TLN1: variants seen among roughly 807,000 people sequenced by gnomAD.
The protein encoded by TLN1 is talin 1, also known as talin-1.
Under a neutral mutation model 292.3 loss-of-function variants are expected in TLN1, and 56 were observed. The ratio of observed to expected loss-of-function variants is 0.19; its 90% CI spans 0.15 to 0.24. The LOEUF (loss-of-function observed/expected upper bound fraction) is 0.24. Ranked by LOEUF, TLN1 falls within the 10% of genes least tolerant of loss-of-function variation. The pLI is 1.00. For missense variants in TLN1, 2,433 were observed against 3,248.2 expected (o/e 0.75, Z 6.10); for synonymous variants, 1,119 against 1,253.7 (o/e 0.89, Z 2.27).
intron 1 of TLN1, among the ~76,000 whole-genome samples, chr9:35,730,851 C>A (rs191220966): frequency 2.5e-4 from 38 of 152,182 alleles, no homozygotes; most frequent in Admixed American, 9.2e-4. Flanking sequence ...TTCAGTTATT[C>A]CCTTCTCCCA....
intron 9 of TLN1, 28 bp downstream of exon 9, chr9:35,722,079 TGGGAAACAAGGA>T: frequency 1.9e-6 from 3 of 1,563,774 alleles, no homozygotes; most frequent in Non-Finnish European, 2.6e-6. Flanking sequence ...AGGGCAAGAG[TGGGAAACAAGGA>T]GGGCAGTGAA....
intron 17 of TLN1, among the ~76,000 whole-genome samples, chr9:35,718,549 C>T (rs757901347): frequency 3.3e-5 from 5 of 151,390 alleles, no homozygotes; most frequent in Admixed American, 2.0e-4. Context: ...GGGCTATGTA[C>T]GGGGAAGAGA....
rs1452381004 is a variant in TLN1, at chr9:35,706,524, C to T, written c.5116G>A (p.Val1706Ile). The change falls in exon 39 of 57, where the codon GTC becomes ATC. Residue 1706 changes from valine (V) to isoleucine (I), a missense_variant. Val to Ile is a conservative substitution (Grantham distance 29). Around this residue, in one of 7 missense-constraint regions of TLN1, gnomAD observed 1,384 missense variants for 1,699.6 expected, o/e 0.81. Transcript: ENST00000314888. The surrounding 1 kb of genome is among the most constrained non-coding windows in gnomAD (Gnocchi z 4.2). Reference sequence around the variant, plus strand: ...TCAATGAGATGGGAGATCTCTTGGACTGCAGTGAGCATCTGAGTGTGCAAG... The same window carrying T: ...TCAATGAGATGGGAGATCTCTTGGATTGCAGTGAGCATCTGAGTGTGCAAG... ...EALHTQMLTAVQEISHLIEPL... is the reference protein window; with the variant it reads ...EALHTQMLTAIQEISHLIEPL... 3.7e-6 allele frequency: 6 copies of T among 1,613,968 alleles called. No homozygotes were observed. Among genetic ancestry groups the T allele is most frequent in the African/African-American group, 2.7e-5 (2 of 74,918 alleles).
rs780547670 is a variant in TLN1, at chr9:35,699,169, AG to A, written c.6875-14del. ...ACCCATTCTGTTCCTGGTGGGATGAAGGAAGAGGAAAGAGGCTAAGGCAGAG... is the reference window on the plus strand; with the variant it reads ...ACCCATTCTGTTCCTGGTGGGATGAAGAAGAGGAAAGAGGCTAAGGCAGAG... On this transcript the variant is annotated splice_polypyrimidine_tract_variant and intron_variant, in intron 51 of 56. Coordinates refer to ENST00000314888, the MANE Select transcript of TLN1 (RefSeq NM_006289.4). This position sits in a 1 kb window ranked among gnomAD's most constrained non-coding sequence, Gnocchi z 4.0. 6.3e-7 allele frequency: 1 copy of A among 1,599,554 alleles called. No individual in the cohort carries two copies. Among genetic ancestry groups the A allele is most frequent in the African/African-American group, 1.3e-5 (1 of 74,156 alleles).
chr9:35,720,919 G>A lies in TLN1; in HGVS notation c.1105-6C>T, dbSNP rs754323419. The A allele has an allele frequency of 1.2e-6, 2 of 1,607,612 alleles. No homozygotes were observed. Among genetic ancestry groups the A allele is most frequent in the African/African-American group, 2.7e-5 (2 of 74,762 alleles). On this transcript the variant is annotated splice_polypyrimidine_tract_variant and splice_region_variant and intron_variant, in intron 10 of 56. Coordinates refer to ENST00000314888, the MANE Select transcript of TLN1 (RefSeq NM_006289.4). ...TCTTGGTAATCTCCAAAATCCTAGG[G>A]TGACAAGTGGGGGACTCAGAGGGAA...
chr9:35,714,806 G>A lies in TLN1; in HGVS notation c.2825C>T (p.Pro942Leu), dbSNP rs370001042. Residue 942 changes from proline to leucine, a missense_variant, in exon 22 of 57, where the codon CCC becomes CTC. Pro to Leu is a moderately conservative substitution (Grantham distance 98). Transcript: ENST00000314888. The surrounding 1 kb of genome is among the most constrained non-coding windows in gnomAD (Gnocchi z 4.6). ...IAAAQHAAST[P>L]KASAGPQPLL... ...GGGCTGGGGGCCGGCAGAGGCCTTG[G>A]GGGTAGAGGCTGCGTGCTGAGCTGC... is the stretch of plus-strand genomic sequence containing the variant. The A allele has an allele frequency of 3.9e-5, 62 of 1,580,382 alleles. No individual in the cohort carries two copies. Among genetic ancestry groups the A allele is most frequent in the Non-Finnish European group, 4.8e-5 (56 of 1,163,330 alleles).
rs180985339 is a variant in TLN1, at chr9:35,727,990, T to C, written c.-33-2263A>G. The stretch of plus-strand genomic sequence containing the variant: ...GGCTGCTACAAGTATGAGTAGAAGC[T>C]AGCTCATTCCTCCTTTGGCCTGAGA... On this transcript the variant is annotated intron_variant, in intron 1 of 56. Transcript: ENST00000314888. Among the ~76,000 whole-genome samples the C allele has an allele frequency of 6.6e-5, 10 of 152,292 alleles. No individual in the cohort carries two copies. In the East Asian group the frequency reaches 9.7e-4, roughly 15 times the overall value.
At position 35,719,907 on chromosome 9, in the gene TLN1, A is replaced by G. The variant is rs934962183; in HGVS notation, c.1465-54T>C. On this transcript the variant is annotated intron_variant, in intron 13 of 56. Coordinates refer to ENST00000314888, the MANE Select transcript of TLN1 (RefSeq NM_006289.4). This position sits in a 1 kb window ranked among gnomAD's most constrained non-coding sequence, Gnocchi z 4.6. ...TGGAATGGATGTTTGGAGAAAAGAG[A>G]AGGTAAAAGAGAACCAGGGTCTAGG... is the stretch of plus-strand genomic sequence containing the variant. 1.3e-6 allele frequency: 2 copies of G among 1,570,136 alleles called. No individual in the cohort carries two copies. Among genetic ancestry groups the G allele is most frequent in the African/African-American group, 1.4e-5 (1 of 73,822 alleles).
At chr9:35,727,182 G>A (rs1380453335) in intron 1 of TLN1, among the ~76,000 whole-genome samples, 4 of 152,168 alleles carry the variant, frequency 2.6e-5, no homozygotes, top group Admixed American at 6.5e-5. Context: ...TCTTAACTAA[G>A]AGAATGGGCA....
At chr9:35,718,973 C>G (rs1825834654) in intron 16 of TLN1, 63 bp from the exon 17 acceptor site, 1 of 1,599,348 alleles carries the variant, frequency 6.3e-7, no homozygotes, top group African/African-American at 1.3e-5. Context: ...GTGCATATCA[C>G]AGGCCCACGG....
At chr9:35,723,471 G>A in intron 7 of TLN1, 1 of 185,468 alleles carries the variant, frequency 5.4e-6, no homozygotes, top group Non-Finnish European at 1.1e-5. Flanking sequence ...TTAAGTTAGA[G>A]GCTCAGTCCC....
Position 35,707,923 on chromosome 9 carries a change from G to C in TLN1, c.4471-31C>G. Reference sequence around the variant, plus strand: ...GAGACACATGGAAGAGCCACGATGAGGGCAGGAAGGAGGTGTACATACCCA... The same window carrying C: ...GAGACACATGGAAGAGCCACGATGACGGCAGGAAGGAGGTGTACATACCCA... On this transcript the variant is annotated intron_variant, in intron 34 of 56. Coordinates refer to ENST00000314888, the MANE Select transcript of TLN1 (RefSeq NM_006289.4). This position sits in a 1 kb window ranked among gnomAD's most constrained non-coding sequence, Gnocchi z 5.6. 3 of 1,610,300 alleles carry C rather than the reference G, an allele frequency of 1.9e-6. No homozygotes were observed. The highest frequency in any genetic ancestry group is 2.5e-6 in the Non-Finnish European group (3 of 1,177,522).
Position 35,717,631 on chromosome 9 carries a change from C to T in TLN1, c.2151G>A (p.Val717=), listed in dbSNP as rs991888326. Residue 717 remains valine, a synonymous_variant, in exon 18 of 57, where the codon GTG becomes GTA. Coordinates refer to ENST00000314888, the MANE Select transcript of TLN1 (RefSeq NM_006289.4). This position sits in a 1 kb window ranked among gnomAD's most constrained non-coding sequence, Gnocchi z 4.7. ...CTTTGGGGCTCACCTTAGTACAGGC[C>T]ACTAGTTGGGAAGTGGATAGGGCAC... ...TQCALSTSQL[V]ACTKVVAPTI... 1 of 1,613,286 alleles carries T rather than the reference C, an allele frequency of 6.2e-7. No individual in the cohort carries two copies. Among genetic ancestry groups the T allele is most frequent in the Non-Finnish European group, 8.5e-7 (1 of 1,179,338 alleles).
Position 35,711,264 on chromosome 9 carries a change from G to A in TLN1, c.4010C>T (p.Ala1337Val), listed in dbSNP as rs1482739223. 39 of 1,614,002 alleles carry A rather than the reference G, an allele frequency of 2.4e-5. No homozygotes were observed. Among genetic ancestry groups the A allele is most frequent in the Non-Finnish European group, 3.2e-5 (38 of 1,180,050 alleles). ...AAPNLKSQLA[A>V]AARAVTDSIN... ...CTCAGCAACTACTTACCTGGCAGCT[G>A]CAGCCAGCTGACTCTTGAGGTTAGG... Residue 1337 changes from alanine to valine, a missense_variant, in exon 30 of 57, where the codon GCA (alanine) becomes GTA (valine). Physicochemically the swap from Ala to Val is moderately conservative, Grantham distance 64. Around this residue, in one of 7 missense-constraint regions of TLN1, gnomAD observed 1,384 missense variants for 1,699.6 expected, o/e 0.81. Transcript: ENST00000314888.
chr9:35,719,146 C>A lies in TLN1; in HGVS notation c.1824G>T (p.Leu608=). 1 of 1,614,176 alleles carries A rather than the reference C, an allele frequency of 6.2e-7. No homozygotes were observed. The highest frequency in any genetic ancestry group is 8.5e-7 in the Non-Finnish European group (1 of 1,180,038). The part of the protein sequence containing the change: ...LEDEGGSGRP[L]LQAAKGLAGA... ...CCGCAAGGCCCTTTGCTGCCTGCAA[C>A]AGGGGCCGACCACTGCCGCCTTCGT... The change falls in exon 16 of 57, where the codon CTG becomes CTT. Residue 608 remains leucine (L), a synonymous_variant. Coordinates refer to ENST00000314888, the MANE Select transcript of TLN1 (RefSeq NM_006289.4). This position sits in a 1 kb window ranked among gnomAD's most constrained non-coding sequence, Gnocchi z 4.6.
Position 35,711,028 on chromosome 9 carries a change from G to T in TLN1, c.4074C>A (p.Pro1358=), listed in dbSNP as rs747030237. 4 of 1,614,216 alleles carry T rather than the reference G, an allele frequency of 2.5e-6. No homozygotes were observed. The African/African-American group carries it at 4.0e-5, about 16-fold the overall frequency. Reference sequence around the variant, plus strand: ...GGGCGTTATCACACTCCTTCTGGCCGGGTGCCTGCTGGGTGCACATAGTGA... The same window carrying T: ...GGGCGTTATCACACTCCTTCTGGCCTGGTGCCTGCTGGGTGCACATAGTGA... ...QLITMCTQQA[P]GQKECDNALR... Residue 1358 remains proline, a synonymous_variant, in exon 31 of 57, where the codon CCC becomes CCA. Transcript: ENST00000314888.
chr9:35,697,202 G>A lies in TLN1; in HGVS notation c.*589C>T, dbSNP rs1825382322. 1.3e-5 allele frequency: 2 copies of A among 152,648 alleles called. No individual in the cohort carries two copies. Among genetic ancestry groups the A allele is most frequent in the Admixed American group, 1.3e-4 (2 of 15,300 alleles). 9.5% of individuals were successfully genotyped at this position (152,648 alleles called of 1,614,324 possible). A position where few individuals can be genotyped will look rare whatever the true frequency, so the allele number is the denominator to read the frequency against. ...TTAGGGTCCGGGTGCAAGGAGGAAG[G>A]GACCTCAGGTGCAGACTGCCAGTCT... On this transcript the variant is annotated 3_prime_UTR_variant, in exon 57 of 57. Coordinates refer to ENST00000314888, the MANE Select transcript of TLN1 (RefSeq NM_006289.4).
At chr9:35,729,685 T>C (rs1328892036) in intron 1 of TLN1, among the ~76,000 whole-genome samples, 2 of 141,304 alleles carry the variant, frequency 1.4e-5, no homozygotes, top group East Asian at 4.8e-4. Flanking sequence ...GAGGTAGAAA[T>C]GACAGGACCT....
At chr9:35,722,082 GAAACA>G in intron 9 of TLN1, 32 bp downstream of exon 9, 1 of 1,573,650 alleles carries the variant, frequency 6.4e-7, no homozygotes, top group Non-Finnish European at 8.7e-7. Flanking sequence ...GCAAGAGTGG[GAAACA>G]AGGAGGGCAG....
Sources: gnomAD v4.1 joint callset for allele counts (sites outside exome capture counted in the v4.1 genomes callset) on GRCh38, gnomAD v4.1.1 for gene constraint, gnomAD v4.1.1 regional missense constraint, Gnocchi (gnomAD v3.1) non-coding constraint, MANE v1.5 for transcripts, NCBI Gene and HGNC (gene_info 2026-07-23, HGNC 2026-07-21) for gene names.